The following GPX6 variants were observed in gnomAD, a reference collection of about 807,000 sequenced individuals.
GPX6 encodes glutathione peroxidase 6 (olfactory).
Under a neutral mutation model 20.0 loss-of-function variants are expected in GPX6, and 21 were observed. That is an observed-to-expected ratio of 1.05 (90% CI 0.74 to 1.51). GPX6 has a LOEUF of 1.51. Ranked by LOEUF, GPX6 falls within the 40% of genes most tolerant of loss-of-function variation. The probability of loss-of-function intolerance (pLI) is 0.00; values close to 1 mark genes in which losing one functional copy is unlikely to be tolerated. For synonymous variants in GPX6, 75 were observed against 98.0 expected, an observed-to-expected ratio of 0.77 and a Z score of 1.38; for missense variants, 233 against 254.7, an observed-to-expected ratio of 0.91 and a Z score of 0.58.
chr6:28,509,957 C>G (rs535278003), intron 2 of GPX6, among the ~76,000 whole-genome samples: 1 of 152,208 alleles, frequency 6.6e-6, no homozygotes, highest in Non-Finnish European at 1.5e-5. Context: ...GATCACTCAT[C>G]TCTCCTGTTT....
At position 28,504,049 on chromosome 6, in the gene GPX6, A is replaced by G. The variant is rs1255742642; in HGVS notation, c.*243T>C. 7.9e-6 allele frequency: 4 copies of G among 509,302 alleles called. No individual in the cohort carries two copies. In the South Asian group the frequency reaches 1.1e-4, roughly 13 times the overall value. 31.5% of individuals were successfully genotyped at this position (509,302 alleles called of 1,614,324 possible). On this transcript the variant is annotated 3_prime_UTR_variant, in exon 5 of 5. Transcript: ENST00000361902. The stretch of plus-strand genomic sequence containing the variant: ...CACACACACACACACACACACACAC[A>G]CCATACATACACCTATGCATATACC...
chr6:28,512,683 G>C (rs974340466), intron 1 of GPX6, among the ~76,000 whole-genome samples: 1 of 152,172 alleles, frequency 6.6e-6, no homozygotes, highest in Admixed American at 6.5e-5. Flanking sequence ...TTCGCTCTTT[G>C]CAATAAGTCT....
chr6:28,506,266 T>C (rs1161467086), intron 3 of GPX6, 46 bp downstream of exon 3: 1 of 1,139,444 alleles, frequency 8.8e-7, no homozygotes, highest in African/African-American at 1.5e-5. Flanking sequence ...GAATGAGGAA[T>C]GGAAATCCCG....
intron 1 of GPX6, among the ~76,000 whole-genome samples, chr6:28,515,375 CA>C (rs1000902954): frequency 6.6e-6 from 1 of 152,192 alleles, no homozygotes; most frequent in Non-Finnish European, 1.5e-5. Flanking sequence ...AAGGGGCCAC[CA>C]GGGGGAAGTG....
intron 1 of GPX6, among the ~76,000 whole-genome samples, chr6:28,512,677 C>G (rs566098948): frequency 2.6e-5 from 4 of 152,198 alleles, no homozygotes; most frequent in African/African-American, 7.2e-5. Flanking sequence ...TGTTCTTTCG[C>G]TCTTTGCAAT....
At chr6:28,509,960 T>C (rs1165620353) in intron 2 of GPX6, among the ~76,000 whole-genome samples, 1 of 152,208 alleles carries the variant, frequency 6.6e-6, no homozygotes, top group Non-Finnish European at 1.5e-5. Flanking sequence ...CACTCATCTC[T>C]CCTGTTTTTA....
chr6:28,504,709 A>G (rs769253872), intron 4 of GPX6, among the ~76,000 whole-genome samples: 7 of 152,218 alleles, frequency 4.6e-5, no homozygotes, highest in Non-Finnish European at 7.3e-5. Flanking sequence ...GTTAGAGAGT[A>G]TAATGGTAAA....
intron 1 of GPX6, among the ~76,000 whole-genome samples, chr6:28,512,310 A>G (rs984248149): frequency 1.3e-5 from 2 of 152,214 alleles, no homozygotes; most frequent in Non-Finnish European, 1.5e-5. Flanking sequence ...AAATACACCA[A>G]TCGGCACTCT....
chr6:28,512,830 T>C (rs1275090835), intron 1 of GPX6, among the ~76,000 whole-genome samples: 2 of 151,530 alleles, frequency 1.3e-5, no homozygotes, highest in Non-Finnish European at 2.9e-5. Context: ...CGCGCTGCCT[T>C]AAGAGCTGTA....
intron 2 of GPX6, among the ~76,000 whole-genome samples, chr6:28,506,764 T>C (rs1042713265): frequency 4.0e-5 from 6 of 151,428 alleles, no homozygotes; most frequent in Admixed American, 2.0e-4. Flanking sequence ...GGAGTCCTGT[T>C]TGACTCTAAA....
At position 28,515,760 on chromosome 6, in the gene GPX6, C is replaced by T. The variant is rs370629073; in HGVS notation, c.-17G>A. 90 of 1,604,566 alleles carry T rather than the reference C, an allele frequency of 5.6e-5. No homozygotes were observed. Among genetic ancestry groups the T allele is most frequent in the Non-Finnish European group, 6.9e-5 (81 of 1,171,644 alleles). ...CTGGAACATGGCTAGGAGTTTTAGA[C>T]GACTCTGAGGTCCCCAGGATTTCAG... On this transcript the variant is annotated 5_prime_UTR_variant, in exon 1 of 5. Transcript: ENST00000361902.
intron 1 of GPX6, among the ~76,000 whole-genome samples, chr6:28,514,891 G>A (rs1325943646): frequency 6.6e-6 from 1 of 152,124 alleles, no homozygotes; most frequent in Non-Finnish European, 1.5e-5. Flanking sequence ...TAAAATTTGC[G>A]GGTGCCTCAG....
rs1423381398 is a variant in GPX6 at position 28,506,455 on chromosome 6, G to A, written c.242-26C>T. 3 of 1,385,298 alleles carry A rather than the reference G, an allele frequency of 2.2e-6. No individual in the cohort carries two copies. The South Asian group carries it at 3.5e-5, about 16-fold the overall frequency. 85.8% of individuals were successfully genotyped at this position (1,385,298 alleles called of 1,614,324 possible). On this transcript the variant is annotated intron_variant, in intron 2 of 4. Coordinates refer to ENST00000361902, the MANE Select transcript of GPX6 (RefSeq NM_182701.1). Reference sequence around the variant, plus strand: ...CTGTAAGTGGACAATGAATAGCAGGGGTGGGCTGGTCAGGAGGCCTACCTC... The same window carrying A: ...CTGTAAGTGGACAATGAATAGCAGGAGTGGGCTGGTCAGGAGGCCTACCTC...
intron 2 of GPX6, among the ~76,000 whole-genome samples, chr6:28,507,756 G>A (rs999546121): frequency 1.3e-5 from 2 of 152,148 alleles, no homozygotes; most frequent in Non-Finnish European, 2.9e-5. Flanking sequence ...AGTACAGACA[G>A]GGTTTCACCA....
At chr6:28,506,097 A>G (rs370000383) in intron 3 of GPX6, among the ~76,000 whole-genome samples, 11 of 152,172 alleles carry the variant, frequency 7.2e-5, no homozygotes, top group African/African-American at 2.7e-4. Flanking sequence ...TTTCCATTCA[A>G]TCTTCCCTTA....
intron 2 of GPX6, among the ~76,000 whole-genome samples, chr6:28,508,613 C>T (rs1273309180): frequency 2.3e-4 from 35 of 151,724 alleles, no homozygotes. Context: ...CGAGAGCAGC[C>T]TGACCAACAT....
chr6:28,510,361 G>A (rs1379417478), intron 2 of GPX6, among the ~76,000 whole-genome samples: 1 of 152,204 alleles, frequency 6.6e-6, no homozygotes, highest in Non-Finnish European at 1.5e-5. Flanking sequence ...ATCCAGAACA[G>A]AACTTCAATT....
At chr6:28,511,647 C>T (rs114411895) in intron 1 of GPX6, among the ~76,000 whole-genome samples, 213 of 152,386 alleles carry the variant, frequency 1.4e-3, no homozygotes, top group African/African-American at 4.5e-3. Flanking sequence ...GAGAGCAATG[C>T]ACCATCGTGG....
At chr6:28,514,795 G>A (rs556615280) in intron 1 of GPX6, among the ~76,000 whole-genome samples, 14 of 152,300 alleles carry the variant, frequency 9.2e-5, no homozygotes, top group African/African-American at 3.1e-4. Context: ...TTTTATAGAG[G>A]ACAGAAAGGA....
Sources: gnomAD v4.1 joint callset for allele counts (sites outside exome capture counted in the v4.1 genomes callset) on GRCh38, gnomAD v4.1.1 for gene constraint, MANE v1.5 for transcripts, NCBI Gene and HGNC (gene_info 2026-07-23, HGNC 2026-07-21) for gene names.